The following PDE11A variants were observed in gnomAD, a reference collection of about 807,000 sequenced individuals.
The protein encoded by PDE11A is dual 3',5'-cyclic-AMP and -GMP phosphodiesterase 11A.
PDE11A carries 100 observed loss-of-function variants against 100.5 expected under a neutral mutation model. The observed-to-expected ratio is 1.00, with a 90% CI of 0.85 to 1.18. The LOEUF (loss-of-function observed/expected upper bound fraction) is 1.18, where lower values mean the gene tolerates loss of function less well. Among genes scored for constraint, PDE11A ranks in the 50% most tolerant of loss-of-function variants. The pLI, the probability that PDE11A is intolerant of heterozygous loss-of-function variation, is 0.00. For missense variants in PDE11A, 1,141 were observed against 1,152.6 expected (o/e 0.99, Z 0.15); for synonymous variants, 381 against 420.8 (o/e 0.91, Z 1.16).
intron 15 of PDE11A, among the ~76,000 whole-genome samples, chr2:177,695,120 G>T (rs999709279): frequency 6.7e-6 from 1 of 149,824 alleles, no homozygotes; most frequent in Non-Finnish European, 1.5e-5. Context: ...AGTTGTGTGT[G>T]GGGGGGGAGG....
At chr2:177,986,166 A>C (rs906261372) in intron 2 of PDE11A, among the ~76,000 whole-genome samples, 1 of 152,172 alleles carries the variant, frequency 6.6e-6, no homozygotes, top group Non-Finnish European at 1.5e-5. Context: ...GGTAAAACAC[A>C]CCTGTTATCA....
intron 2 of PDE11A, among the ~76,000 whole-genome samples, chr2:177,941,247 A>C (rs1236329215): frequency 6.6e-6 from 1 of 152,198 alleles, no homozygotes; most frequent in Admixed American, 6.5e-5. Context: ...AGCTTGCCCT[A>C]AACTTTCCAC....
Position 177,692,526 on chromosome 2 carries a change from A to T in PDE11A, c.2345+4806T>A, listed in dbSNP as rs985328968. Among the ~76,000 whole-genome samples, 11 of 152,350 alleles carry T rather than the reference A, an allele frequency of 7.2e-5. No homozygotes were observed. In the East Asian group the frequency reaches 1.7e-3, roughly 24 times the overall value. ...TGCTGACAAGGAAACTGAGGCAAAGAGAGATCCGACTCTCAAAGCTGGTGA... is the reference window on the plus strand; with the variant it reads ...TGCTGACAAGGAAACTGAGGCAAAGTGAGATCCGACTCTCAAAGCTGGTGA... On this transcript the variant is annotated intron_variant, in intron 15 of 19. Transcript: ENST00000286063.
At chr2:177,910,920 T>C (rs2695098) in intron 2 of PDE11A, among the ~76,000 whole-genome samples, 82,401 of 152,050 alleles carry the variant, frequency 0.54, 24,350 homozygotes, top group East Asian at 0.74. Flanking sequence ...GGGTCTACAC[T>C]GGAGAATCTT....
intron 5 of PDE11A, among the ~76,000 whole-genome samples, chr2:177,843,970 TCAGTGCAA>T (rs2105631245): frequency 6.6e-6 from 1 of 152,206 alleles, no homozygotes; most frequent in Admixed American, 6.5e-5. Flanking sequence ...CCTATATAGG[TCAGTGCAA>T]CAGTGCAAAC....
At position 177,806,491 on chromosome 2, in the gene PDE11A, T is replaced by TA. The variant is rs1285932495; in HGVS notation, c.1737+10337dup. 5.3e-5 allele frequency among the ~76,000 whole-genome samples: 8 copies of TA among 152,194 alleles called. No individual in the cohort carries two copies. The East Asian group carries it at 1.5e-3, about 29-fold the overall frequency. On this transcript the variant is annotated intron_variant, in intron 9 of 19. Coordinates refer to ENST00000286063, the MANE Select transcript of PDE11A (RefSeq NM_016953.4). ...TCTCATTCTAGCTGTCTGACATTTT[T>TA]AAAAAATCACATATCCTCTTTATGA...
At chr2:177,874,424 C>T (rs948314381) in intron 5 of PDE11A, among the ~76,000 whole-genome samples, 3 of 152,166 alleles carry the variant, frequency 2.0e-5, no homozygotes, top group Non-Finnish European at 2.9e-5. Context: ...GAGTGCTTTA[C>T]GATTCTTTCT....
At chr2:177,967,461 A>G (rs2085713740) in intron 2 of PDE11A, among the ~76,000 whole-genome samples, 1 of 151,788 alleles carries the variant, frequency 6.6e-6, no homozygotes, top group Non-Finnish European at 1.5e-5. Context: ...GCCTCCCAAA[A>G]GTGTTGGGAT....
chr2:177,928,418 A>G (rs1399424490), intron 2 of PDE11A, among the ~76,000 whole-genome samples: 1 of 152,182 alleles, frequency 6.6e-6, no homozygotes, highest in Admixed American at 6.5e-5. Context: ...GGACCACTTG[A>G]GCCCAGGTGT....
intron 19 of PDE11A, among the ~76,000 whole-genome samples, chr2:177,637,979 G>GTATATATATA (rs1191837108): frequency 1.2e-4 from 6 of 50,966 alleles, no homozygotes; most frequent in African/African-American, 1.2e-4. Context: ...ATATACACGT[G>GTATATATATA]TATATATATA....
At chr2:177,847,726 A>G (rs1165073318) in intron 5 of PDE11A, among the ~76,000 whole-genome samples, 2 of 152,204 alleles carry the variant, frequency 1.3e-5, no homozygotes, top group Non-Finnish European at 2.9e-5. Flanking sequence ...GAAGAAGGGA[A>G]GAATACTGTC....
Position 177,711,790 on chromosome 2 carries a change from G to T in PDE11A, c.2132C>A (p.Thr711Asn). ...TTACTTAGCTTGGAAGGCATTGTTG[G>T]TTCCCCTGTGGTCGAGGTCATGACA... is the stretch of plus-strand genomic sequence containing the variant. ...CLCHDLDHRG[T>N]NNAFQAKSGS... The change falls in exon 13 of 20, where the codon ACC becomes AAC. Residue 711 changes from threonine (T) to asparagine (N), a missense_variant. Thr to Asn is a moderately conservative substitution (Grantham distance 65, BLOSUM62 0). Transcript: ENST00000286063. 1 of 1,595,652 alleles carries T rather than the reference G, an allele frequency of 6.3e-7. No homozygotes were observed. Among genetic ancestry groups the T allele is most frequent in the Non-Finnish European group, 8.6e-7 (1 of 1,163,174 alleles).
intron 2 of PDE11A, among the ~76,000 whole-genome samples, chr2:177,923,412 GGGTA>G (rs2085081517): frequency 6.6e-6 from 1 of 152,064 alleles, no homozygotes; most frequent in Non-Finnish European, 1.5e-5. Context: ...GTAAGTACAG[GGGTA>G]GGGCTAGCTT....
chr2:177,898,919 C>T (rs1430109930), intron 3 of PDE11A, among the ~76,000 whole-genome samples: 1 of 152,146 alleles, frequency 6.6e-6, no homozygotes, highest in East Asian at 1.9e-4. Context: ...TAACTTTTAA[C>T]TTTGGAACAT....
chr2:177,735,280 A>C (rs2081760427), intron 10 of PDE11A, among the ~76,000 whole-genome samples: 1 of 152,196 alleles, frequency 6.6e-6, no homozygotes, highest in South Asian at 2.1e-4. Flanking sequence ...AAAAATAGTT[A>C]CTATGATAAA....
At chr2:178,021,409 G>C (rs922368850) in intron 1 of PDE11A, among the ~76,000 whole-genome samples, 1 of 152,130 alleles carries the variant, frequency 6.6e-6, no homozygotes, top group African/African-American at 2.4e-5. Flanking sequence ...CAGAATCGCT[G>C]ATACAATTAT....
intron 16 of PDE11A, 57 bp from the exon 17 acceptor site, chr2:177,675,575 A>T: frequency 7.8e-7 from 1 of 1,277,622 alleles, no homozygotes; most frequent in Non-Finnish European, 1.1e-6. Context: ...ATTCCTAAAC[A>T]AACCCGTCCT....
At chr2:178,076,263 C>T (rs145879757), upstream of PDE11A, among the ~76,000 whole-genome samples, 88 of 152,242 alleles carry the variant, frequency 5.8e-4, no homozygotes, top group African/African-American at 1.9e-3. Context: ...ATAAAGGAGA[C>T]TTCCTATTTG....
intron 1 of PDE11A, among the ~76,000 whole-genome samples, chr2:178,022,492 T>A (rs912861832): frequency 7.0e-6 from 1 of 142,400 alleles, no homozygotes; most frequent in Non-Finnish European, 1.6e-5. Context: ...TTTTTTTTTT[T>A]AATTTCAGGA....
Sources: allele counts gnomAD v4.1 joint callset (sites outside exome capture counted in the v4.1 genomes callset), GRCh38; gene constraint gnomAD v4.1.1; transcripts MANE v1.5; gene names NCBI Gene and HGNC (gene_info 2026-07-23, HGNC 2026-07-21).